CALN1: variants seen among roughly 807,000 people sequenced by gnomAD.
The protein encoded by CALN1 is calcium-binding protein 8.
In CALN1, 17 loss-of-function variants were observed where a neutral mutation model predicts 30.6. The observed-to-expected ratio is 0.56, with a 90% CI of 0.38 to 0.83. The LOEUF is 0.83. Ranked by LOEUF, CALN1 falls within the 40% of genes least tolerant of loss-of-function variation. The pLI, the probability that CALN1 is intolerant of heterozygous loss-of-function variation, is 0.00. For synonymous variants in CALN1, 156 were observed against 131.4 expected (o/e 1.19, Z -1.28); for missense variants, 291 against 354.9 (o/e 0.82, Z 1.45).
chr7:72,057,652 T>A (rs1803353858), intron 4 of CALN1, among the ~76,000 whole-genome samples: 1 of 152,112 alleles, frequency 6.6e-6, no homozygotes, highest in African/African-American at 2.4e-5. Context: ...CCTTTTTACT[T>A]GATATTGTAT....
At chr7:72,375,650 A>G (rs966463010) in intron 2 of CALN1, among the ~76,000 whole-genome samples, 3 of 152,080 alleles carry the variant, frequency 2.0e-5, no homozygotes, top group Non-Finnish European at 4.4e-5. Flanking sequence ...ATAAAAATAT[A>G]GACTTTAAAC....
intron 5 of CALN1, among the ~76,000 whole-genome samples, chr7:71,932,856 G>A (rs373046976): frequency 6.6e-6 from 1 of 151,486 alleles, no homozygotes; most frequent in Admixed American, 6.6e-5. Flanking sequence ...TAGAATCTAG[G>A]GGGGTATGGG....
chr7:72,342,410 C>T (rs990144461), intron 2 of CALN1, among the ~76,000 whole-genome samples: 1 of 152,324 alleles, frequency 6.6e-6, no homozygotes, highest in African/African-American at 2.4e-5. Context: ...TTTGCTCCAA[C>T]TTTTATTCAA....
chr7:72,018,489 G>A (rs1000521590), intron 5 of CALN1, among the ~76,000 whole-genome samples: 1 of 152,048 alleles, frequency 6.6e-6, no homozygotes, highest in Non-Finnish European at 1.5e-5. Context: ...CTTGATGAAC[G>A]AAGACTAAGA....
chr7:71,912,483 A>G (rs1346836896), intron 5 of CALN1, among the ~76,000 whole-genome samples: 1 of 152,152 alleles, frequency 6.6e-6, no homozygotes, highest in Non-Finnish European at 1.5e-5. Flanking sequence ...CCGGCCACAC[A>G]CACAATTCGT....
chr7:72,413,545 TCATA>T (rs1366841603), upstream of CALN1, among the ~76,000 whole-genome samples: 6 of 150,022 alleles, frequency 4.0e-5, no homozygotes, highest in African/African-American at 9.8e-5. Context: ...ACTCACAAGC[TCATA>T]CATGCATGCA....
intron 5 of CALN1, among the ~76,000 whole-genome samples, chr7:71,869,977 C>A (rs891383450): frequency 3.3e-5 from 5 of 152,148 alleles, no homozygotes; most frequent in African/African-American, 4.8e-5. Context: ...CAGGTGGGCA[C>A]TGATTAGCAC....
chr7:72,373,127 T>G (rs1804343571), intron 2 of CALN1, among the ~76,000 whole-genome samples: 1 of 152,138 alleles, frequency 6.6e-6, no homozygotes, highest in Admixed American at 6.6e-5. Context: ...AAAACACACT[T>G]AACCAGCTTT....
intron 2 of CALN1, among the ~76,000 whole-genome samples, chr7:72,308,654 C>T (rs1178686823): frequency 6.6e-6 from 1 of 152,168 alleles, no homozygotes; most frequent in Non-Finnish European, 1.5e-5. Context: ...CCATGTCCTT[C>T]TGATGAACTC....
chr7:71,993,207 T>A (rs1799050729), intron 5 of CALN1, among the ~76,000 whole-genome samples: 2 of 152,134 alleles, frequency 1.3e-5, no homozygotes, highest in African/African-American at 4.8e-5. Flanking sequence ...GGAAGACATA[T>A]CACCAGCCTC....
chr7:72,427,650 T>TTTATTA (rs1010165131), intron 1 of CALN1, among the ~76,000 whole-genome samples: 7 of 150,624 alleles, frequency 4.6e-5, no homozygotes, highest in African/African-American at 1.7e-4. Flanking sequence ...GCAATTTATT[T>TTTATTA]TTATTTTTAT....
At chr7:72,143,308 A>G (rs991901515) in intron 3 of CALN1, among the ~76,000 whole-genome samples, 8 of 152,218 alleles carry the variant, frequency 5.3e-5, no homozygotes, top group Non-Finnish European at 1.0e-4. Context: ...AAACCATGGC[A>G]CGAGAACTAC....
chr7:72,108,944 T>C lies in CALN1; in HGVS notation c.245-2650A>G, dbSNP rs138549103. ...CTTTGCTCACCATAGCCAAGTTATCTCCCTTTCTGCTGACTGTTCACAGCA... is the reference window on the plus strand; with the variant it reads ...CTTTGCTCACCATAGCCAAGTTATCCCCCTTTCTGCTGACTGTTCACAGCA... On this transcript the variant is annotated intron_variant, in intron 3 of 6. Coordinates refer to ENST00000395275, the MANE Select transcript of CALN1 (RefSeq NM_031468.4). Among the ~76,000 whole-genome samples, 1,206 of 152,276 alleles carry C rather than the reference T, an allele frequency of 7.9e-3. 31 individuals are homozygous for C. The highest frequency in any genetic ancestry group is 6.3e-3 in the Non-Finnish European group (429 of 68,024).
At chr7:72,280,513 G>T (rs900955262) in intron 2 of CALN1, among the ~76,000 whole-genome samples, 71 of 152,210 alleles carry the variant, frequency 4.7e-4, no homozygotes, top group African/African-American at 1.6e-3. Context: ...TTCTCTAGAA[G>T]AACACTTCAA....
At chr7:72,233,597 T>C (rs565942996) in intron 3 of CALN1, among the ~76,000 whole-genome samples, 4 of 151,862 alleles carry the variant, frequency 2.6e-5, no homozygotes, top group East Asian at 1.9e-4. Flanking sequence ...TGAGCACTTA[T>C]AGTGTCAGCT....
upstream of CALN1, among the ~76,000 whole-genome samples, chr7:72,447,978 GCACACACA>G (rs4029788): frequency 7.0e-6 from 1 of 142,688 alleles, no homozygotes; most frequent in Admixed American, 7.1e-5. Flanking sequence ...GCCTGCCCAT[GCACACACA>G]CACACACACA....
chr7:72,051,198 A>T (rs1802816809), intron 4 of CALN1, among the ~76,000 whole-genome samples: 1 of 151,900 alleles, frequency 6.6e-6, no homozygotes, highest in Admixed American at 6.6e-5. Flanking sequence ...TCAAAAAGAG[A>T]GTTATTTGAG....
intron 4 of CALN1, among the ~76,000 whole-genome samples, chr7:72,048,908 C>A: frequency 6.6e-6 from 1 of 151,910 alleles, no homozygotes. Context: ...CATTTTCGGC[C>A]CAAGCAATCC....
At chr7:72,499,901 C>A in the CALN1 span, among the ~76,000 whole-genome samples, 2 of 44,398 alleles carry the variant, frequency 4.5e-5, 1 homozygote, top group Non-Finnish European at 8.3e-5. Flanking sequence ...TTCTTTCTTT[C>A]TTTCTTTCTT....
Sources: allele counts gnomAD v4.1 joint callset (sites outside exome capture counted in the v4.1 genomes callset), GRCh38; gene constraint gnomAD v4.1.1; transcripts MANE v1.5; gene names NCBI Gene and HGNC (gene_info 2026-07-23, HGNC 2026-07-21).